KRT17: variants seen among roughly 807,000 people sequenced by gnomAD.
KRT17 encodes keratin, type I cytoskeletal 17.
In KRT17, 29 loss-of-function variants were observed where a neutral mutation model predicts 45.6. The ratio of observed to expected loss-of-function variants is 0.64; its 90% CI spans 0.47 to 0.87. The LOEUF is 0.87. KRT17 is among the 40% of genes least tolerant of loss of function. The probability of loss-of-function intolerance (pLI) is 0.00; values close to 1 mark genes in which losing one functional copy is unlikely to be tolerated. For missense variants in KRT17, 536 were observed against 577.8 expected, an observed-to-expected ratio of 0.93 and a Z score of 0.74; for synonymous variants, 219 against 234.6, an observed-to-expected ratio of 0.93 and a Z score of 0.61.
At chr17:41,620,606 G>A in intron 6 of KRT17, 48 bp from the exon 7 acceptor site, 3 of 1,610,758 alleles carry the variant, frequency 1.9e-6, no homozygotes, top group Non-Finnish European at 2.5e-6. Flanking sequence ...GGGTCTGAGA[G>A]CCCCACCCCT....
At position 41,623,040 on chromosome 17, in the gene KRT17, G is replaced by A. The variant is rs772800295; in HGVS notation, c.433-8C>T. 2.5e-6 allele frequency: 4 copies of A among 1,609,554 alleles called. No individual in the cohort carries two copies. The highest frequency in any genetic ancestry group is 3.4e-6 in the Non-Finnish European group (4 of 1,176,090). ...CACGGTGGCTGTGAGGATCTGAGGA[G>A]AAGGGAGAGTAGTCAGGTCATTGGA... On this transcript the variant is annotated splice_polypyrimidine_tract_variant and splice_region_variant and intron_variant, in intron 1 of 7. Transcript: ENST00000311208.
rs1369304509 is a variant in KRT17 at position 41,620,834 on chromosome 17, A to T, written c.1006T>A (p.Cys336Ser). The T allele has an allele frequency of 9.3e-6, 15 of 1,613,604 alleles. No individual in the cohort carries two copies. The highest frequency in any genetic ancestry group is 1.3e-5 in the Non-Finnish European group (15 of 1,179,882). ...GNLAETENRY[C>S]VQLSQIQGLI... ...CCCTGGATCTGGGACAGCTGCACGC[A>T]GTAGCGGTTCTCTGTCTCCGCCAGG... Residue 336 changes from cysteine (C) to serine (S), a missense_variant, in exon 6 of 8, where the codon TGC (cysteine) becomes AGC (serine). Transcript: ENST00000311208.
Position 41,624,145 on chromosome 17 carries a change from C to T in KRT17, c.365G>A (p.Arg122Lys). 6.2e-7 allele frequency: 1 copy of T among 1,612,236 alleles called. No individual in the cohort carries two copies. Among genetic ancestry groups the T allele is most frequent in the Non-Finnish European group, 8.5e-7 (1 of 1,179,968 alleles). ...GTCACGGGCGGGCCCCGGGGCCTGCCTCTGGTACCAGTCACGGATCTTCAC... is the reference window on the plus strand; with the variant it reads ...GTCACGGGCGGGCCCCGGGGCCTGCTTCTGGTACCAGTCACGGATCTTCAC... ...LEVKIRDWYQ[R>K]QAPGPARDYS... The change falls in exon 1 of 8, where the codon AGG becomes AAG. Residue 122 changes from arginine (R) to lysine (K), a missense_variant. Transcript: ENST00000311208.
At chr17:41,622,006 C>T in intron 3 of KRT17, 1 of 607,766 alleles carries the variant, frequency 1.6e-6, no homozygotes, top group South Asian at 2.0e-5. Context: ...CCCAAAAGTT[C>T]CCCTCTAATT....
At chr17:41,620,084 T>G (rs1908485985) in intron 7 of KRT17, 1 of 985,208 alleles carries the variant, frequency 1.0e-6, no homozygotes, top group African/African-American at 1.7e-5. Context: ...TCTCCTCCAT[T>G]AGACTAGGAA....
Position 41,624,268 on chromosome 17 carries a change from G to C in KRT17, c.242C>G (p.Ala81Gly). ...SSFGGVDGLLAGGEKATMQNL... is the reference protein window; with the variant it reads ...SSFGGVDGLLGGGEKATMQNL... ...CTGCATGGTGGCCTTCTCACCTCCA[G>C]CCAGCAGCCCATCAACACCCCCAAA... Residue 81 changes from alanine (A) to glycine (G), a missense_variant, in exon 1 of 8, where the codon GCT becomes GGT. Transcript: ENST00000311208. 1 of 1,612,470 alleles carries C rather than the reference G, an allele frequency of 6.2e-7. No homozygotes were observed. Among genetic ancestry groups the C allele is most frequent in the African/African-American group, 1.3e-5 (1 of 74,964 alleles).
intron 4 of KRT17, among the ~76,000 whole-genome samples, chr17:41,621,388 A>C (rs2144613360): frequency 6.6e-6 from 1 of 152,218 alleles, no homozygotes; most frequent in East Asian, 1.9e-4. Context: ...CTTTATTCTG[A>C]GGGAGCTCCC....
intron 1 of KRT17, among the ~76,000 whole-genome samples, chr17:41,623,653 C>T (rs1908623498): frequency 6.6e-6 from 1 of 151,890 alleles, no homozygotes; most frequent in South Asian, 2.1e-4. Flanking sequence ...CCTCCTCCTG[C>T]AGCAGGTGCT....
rs760535941 is a variant in KRT17 at position 41,620,577 on chromosome 17, CAGAG to C, written c.1182-23_1182-20del. 1.3e-6 allele frequency: 2 copies of C among 1,597,686 alleles called. No individual in the cohort carries two copies. The highest frequency in any genetic ancestry group is 1.7e-6 in the Non-Finnish European group (2 of 1,167,560). On this transcript the variant is annotated intron_variant, in intron 6 of 7. Coordinates refer to ENST00000311208, the MANE Select transcript of KRT17 (RefSeq NM_000422.3). ...AGTCAGGCTGAAAGAAAAAAAAAAA[CAGAG>C]AGGAAATTAGATGTGGGTCTGAGAG...
Position 41,624,242 on chromosome 17 carries a change from T to G in KRT17, c.268A>C (p.Asn90His), listed in dbSNP as rs1469282035. The G allele has an allele frequency of 1.2e-6, 2 of 1,612,640 alleles. No homozygotes were observed. The highest frequency in any genetic ancestry group is 2.2e-5 in the South Asian group (2 of 91,012). ...LAGGEKATMQ[N>H]LNDRLASYLD... The stretch of plus-strand genomic sequence containing the variant: ...TAGGAGGCCAGGCGGTCATTGAGGT[T>G]CTGCATGGTGGCCTTCTCACCTCCA... Residue 90 changes from asparagine to histidine, a missense_variant, in exon 1 of 8, where the codon AAC (asparagine) becomes CAC (histidine). Physicochemically the swap from Asn to His is moderately conservative, Grantham distance 68. Transcript: ENST00000311208.
intron 4 of KRT17, 123 bp downstream of exon 4, chr17:41,621,470 G>A (rs1908539354): frequency 2.5e-6 from 3 of 1,219,268 alleles, no homozygotes. Flanking sequence ...GGGTGACCCT[G>A]TGGTCCATGC....
In KRT17 at chr17:41,622,377, T is replaced by G. The variant is rs750187235; in HGVS notation, c.650A>C (p.Tyr217Ser). 5.6e-6 allele frequency: 9 copies of G among 1,613,600 alleles called. No individual in the cohort carries two copies. The highest frequency in any genetic ancestry group is 7.6e-6 in the Non-Finnish European group (9 of 1,180,036). ...CACCTCCTCGTGGTTCTTCTTCAGG[T>G]AGGCCAGCTCCTCCTTGAGGTTCTC... ...QIENLKEELA[Y>S]LKKNHEEEMN... The change falls in exon 3 of 8, where the codon TAC becomes TCC. Residue 217 changes from tyrosine to serine, a missense_variant. Tyr to Ser is a moderately radical substitution (Grantham distance 144). Transcript: ENST00000311208.
At position 41,620,796 on chromosome 17, in the gene KRT17, G is replaced by A. The variant is rs202225209; in HGVS notation, c.1044C>T (p.Ser348=). ...QLSQIQGLIG[S]VEEQLAQLRC... ...GAAGCTGGGCCAGCTGCTCCTCCACGCTGCCAATCAGCCCCTGGATCTGGG... is the reference window on the plus strand; with the variant it reads ...GAAGCTGGGCCAGCTGCTCCTCCACACTGCCAATCAGCCCCTGGATCTGGG... The change falls in exon 6 of 8, where the codon AGC becomes AGT. Residue 348 remains serine, a synonymous_variant. Coordinates refer to ENST00000311208, the MANE Select transcript of KRT17 (RefSeq NM_000422.3). 227 of 1,613,100 alleles carry A rather than the reference G, an allele frequency of 1.4e-4. 1 individual carries two copies. In the South Asian group the frequency reaches 2.1e-3, roughly 15 times the overall value.
intron 1 of KRT17, among the ~76,000 whole-genome samples, chr17:41,623,756 G>A (rs1397496446): frequency 6.6e-6 from 1 of 151,948 alleles, no homozygotes; most frequent in Non-Finnish European, 1.5e-5. Context: ...CACACATCCA[G>A]CAGCCCACGG....
intron 1 of KRT17, 193 bp from the exon 2 acceptor site, chr17:41,623,225 T>C: frequency 1.7e-6 from 1 of 580,786 alleles, no homozygotes; most frequent in Non-Finnish European, 3.3e-6. Context: ...CCCCCGATAC[T>C]CAGTACCCCA....
Position 41,620,960 on chromosome 17 carries a change from TC to T in KRT17, c.960+5del. ...GGCCCTCCCCCATGCACAGGACTGT[TC>T]CTACCATGCTGAGCTGGGACTGCAG... is the stretch of plus-strand genomic sequence containing the variant. On this transcript the variant is annotated splice_donor_5th_base_variant and intron_variant, in intron 5 of 7. Coordinates refer to ENST00000311208, the MANE Select transcript of KRT17 (RefSeq NM_000422.3). 2.5e-6 allele frequency: 4 copies of T among 1,614,110 alleles called. No homozygotes were observed. The highest frequency in any genetic ancestry group is 3.4e-6 in the Non-Finnish European group (4 of 1,179,996).
chr17:41,620,286 G>A, intron 7 of KRT17: 1 of 985,316 alleles, frequency 1.0e-6, no homozygotes, highest in Non-Finnish European at 1.2e-6. Flanking sequence ...GCTGGGACCT[G>A]TCTCCTCCAT....
In KRT17 at chr17:41,624,055, C is replaced by T. The variant is rs768483012; in HGVS notation, c.432+23G>A. ...GGGAAGAAGTCATGCCCCCCGGAGA[C>T]CCCTCCCACCAGCAGGCCCTACCTT... is the stretch of plus-strand genomic sequence containing the variant. On this transcript the variant is annotated intron_variant, in intron 1 of 7. Coordinates refer to ENST00000311208, the MANE Select transcript of KRT17 (RefSeq NM_000422.3). 4.6e-5 allele frequency: 74 copies of T among 1,611,864 alleles called. 1 individual carries two copies. The African/African-American group carries it at 9.4e-4, about 20-fold the overall frequency.
intron 2 of KRT17, 42 bp downstream of exon 2, chr17:41,622,908 G>T (rs9916519): frequency 6.5e-7 from 1 of 1,544,120 alleles, no homozygotes; most frequent in African/African-American, 1.4e-5. Context: ...GAGATCCTCC[G>T]CCAGCTGGCC....
Sources: allele counts gnomAD v4.1 joint callset (sites outside exome capture counted in the v4.1 genomes callset), GRCh38; gene constraint gnomAD v4.1.1; transcripts MANE v1.5; gene names NCBI Gene and HGNC (gene_info 2026-07-23, HGNC 2026-07-21).